Variants in NAA60 observed in about 807,000 individuals in gnomAD.
The protein encoded by NAA60 is N-alpha-acetyltransferase 60, NatF catalytic subunit.
Under a neutral mutation model 26.1 loss-of-function variants are expected in NAA60, and 8 were observed. That is an observed-to-expected ratio of 0.31 (90% confidence interval 0.18 to 0.55). The LOEUF is 0.55. NAA60 is among the 20% of genes least tolerant of loss of function. NAA60 has a pLI of 0.93. For synonymous variants in NAA60, 131 were observed against 122.5 expected, an observed-to-expected ratio of 1.07 and a Z score of -0.46; for missense variants, 290 against 311.3, an observed-to-expected ratio of 0.93 and a Z score of 0.51.
At chr16:3,448,246 C>T (rs1052558032) in intron 1 of NAA60, among the ~76,000 whole-genome samples, 2 of 135,302 alleles carry the variant, frequency 1.5e-5, no homozygotes, top group Admixed American at 8.6e-5. Context: ...TGCACTCCAG[C>T]TTGGATGACA....
At chr16:3,447,204 C>T (rs774484794) in intron 1 of NAA60, among the ~76,000 whole-genome samples, 12 of 151,998 alleles carry the variant, frequency 7.9e-5, no homozygotes, top group Non-Finnish European at 1.3e-4. Flanking sequence ...TATATTGAAA[C>T]GGAAAGATAC....
At position 3,485,447 on chromosome 16, in the gene NAA60, T is replaced by C; in HGVS notation, c.*207-20T>C. On this transcript the variant is annotated intron_variant, in intron 7 of 7. Transcript: ENST00000407558. ...TCTCCGCCGGGCCTTCACCCTGCCC[T>C]GCTCTTCTCTTTCCCACAGGCTCTT... 2 of 458,048 alleles carry C rather than the reference T, an allele frequency of 4.4e-6. No homozygotes were observed. Among genetic ancestry groups the C allele is most frequent in the Non-Finnish European group, 8.8e-6 (2 of 228,136 alleles). 28.4% of individuals were successfully genotyped at this position (458,048 alleles called of 1,614,324 possible).
intron 2 of NAA60, chr16:3,448,887 C>A (rs979911428): frequency 6.2e-5 from 14 of 226,080 alleles, no homozygotes; most frequent in African/African-American, 1.4e-4. Context: ...CGAGACTCTC[C>A]CAGTGTGCTG....
intron 2 of NAA60, among the ~76,000 whole-genome samples, chr16:3,474,648 A>G (rs1178677895): frequency 4.6e-5 from 7 of 152,220 alleles, no homozygotes; most frequent in Admixed American, 4.6e-4. Context: ...CAGATAAAAG[A>G]CGAGGTCTTT....
intron 2 of NAA60, among the ~76,000 whole-genome samples, chr16:3,465,300 ACT>A (rs1259235862): frequency 6.6e-6 from 1 of 151,052 alleles, no homozygotes; most frequent in Non-Finnish European, 1.5e-5. Context: ...AAAAAAGGAA[ACT>A]CATCCGAAGC....
At chr16:3,462,701 A>G (rs1259212020) in intron 2 of NAA60, 1 of 152,132 alleles carries the variant, frequency 6.6e-6, no homozygotes, top group Non-Finnish European at 1.5e-5. Context: ...CTCTTCTATT[A>G]AGAAAAGCGT....
intron 2 of NAA60, among the ~76,000 whole-genome samples, chr16:3,462,086 C>CAAATAAAAAA (rs2035437944): frequency 1.3e-5 from 1 of 76,802 alleles, no homozygotes; most frequent in Non-Finnish European, 2.5e-5. Context: ...GACCTTATAT[C>CAAATAAAAAA]AAAAAAAAAA....
intron 2 of NAA60, among the ~76,000 whole-genome samples, chr16:3,475,970 G>C (rs2036453640): frequency 6.6e-6 from 1 of 152,240 alleles, no homozygotes; most frequent in Non-Finnish European, 1.5e-5. Context: ...GCTTCCTTCA[G>C]CTGGGGCTGA....
intron 1 of NAA60, chr16:3,447,407 T>A: frequency 1.1e-6 from 1 of 932,026 alleles, no homozygotes; most frequent in Non-Finnish European, 1.3e-6. Context: ...GTAAATGGGG[T>A]ATCTTCCCTG....
intron 2 of NAA60, among the ~76,000 whole-genome samples, chr16:3,473,457 C>G (rs1422429268): frequency 6.6e-6 from 1 of 152,200 alleles, no homozygotes; most frequent in Non-Finnish European, 1.5e-5. Flanking sequence ...TTCACTACCA[C>G]AAGAACAGTA....
intron 2 of NAA60, among the ~76,000 whole-genome samples, chr16:3,459,967 C>A (rs955967862): frequency 6.6e-6 from 1 of 152,166 alleles, no homozygotes; most frequent in Non-Finnish European, 1.5e-5. Context: ...AAGATACTTA[C>A]ACCTAAAAGG....
At chr16:3,466,740 G>C (rs2035789781) in intron 2 of NAA60, among the ~76,000 whole-genome samples, 1 of 152,184 alleles carries the variant, frequency 6.6e-6, no homozygotes, top group Non-Finnish European at 1.5e-5. Context: ...TGCTTTGAGA[G>C]GAAGAGGGGG....
At chr16:3,472,633 C>T (rs1404069373) in intron 2 of NAA60, among the ~76,000 whole-genome samples, 1 of 152,160 alleles carries the variant, frequency 6.6e-6, no homozygotes, top group Non-Finnish European at 1.5e-5. Context: ...CAGGGTTTCA[C>T]CATCTTGGCC....
Position 3,484,988 on chromosome 16 carries a change from C to G in NAA60, c.*133C>G. 1 of 1,527,802 alleles carries G rather than the reference C, an allele frequency of 6.5e-7. No individual in the cohort carries two copies. Among genetic ancestry groups the G allele is most frequent in the Non-Finnish European group, 8.8e-7 (1 of 1,139,686 alleles). 94.6% of individuals were successfully genotyped at this position (1,527,802 alleles called of 1,614,324 possible). ...AACTGGGCTCGTCGGCCTGCCCCAGCTGCAGGCCCGGTGCTACACGGGCTC... is the reference window on the plus strand; with the variant it reads ...AACTGGGCTCGTCGGCCTGCCCCAGGTGCAGGCCCGGTGCTACACGGGCTC... On this transcript the variant is annotated 3_prime_UTR_variant, in exon 7 of 8. Transcript: ENST00000407558.
chr16:3,476,910 G>A (rs577117927), intron 3 of NAA60, among the ~76,000 whole-genome samples: 3 of 152,232 alleles, frequency 2.0e-5, no homozygotes. Flanking sequence ...GTGTGGTGGT[G>A]CGTGCCTGTA....
chr16:3,462,531 G>A (rs749607887), intron 2 of NAA60: 2 of 152,076 alleles, frequency 1.3e-5, no homozygotes, highest in Middle Eastern at 3.2e-3. Context: ...TTTCTACTTA[G>A]TTTCAGATTA....
intron 1 of NAA60, among the ~76,000 whole-genome samples, chr16:3,448,215 A>G (rs1166471042): frequency 1.3e-5 from 2 of 148,626 alleles, no homozygotes; most frequent in East Asian, 2.0e-4. Context: ...TCGAGGCTGC[A>G]GTGAGCTAGC....
chr16:3,474,185 A>T (rs2036328249), intron 2 of NAA60, among the ~76,000 whole-genome samples: 1 of 152,248 alleles, frequency 6.6e-6, no homozygotes, highest in Non-Finnish European at 1.5e-5. Context: ...ACGTTGAACC[A>T]GGAGCTGAGA....
chr16:3,470,671 T>TG (rs150498238), intron 2 of NAA60, among the ~76,000 whole-genome samples: 22 of 151,284 alleles, frequency 1.5e-4, no homozygotes, highest in Middle Eastern at 6.8e-3. Flanking sequence ...CCAGTGGGGT[T>TG]GGGGGGGGCC....
Sources: allele counts gnomAD v4.1 joint callset (sites outside exome capture counted in the v4.1 genomes callset), GRCh38; gene constraint gnomAD v4.1.1; transcripts MANE v1.5; gene names NCBI Gene and HGNC (gene_info 2026-07-23, HGNC 2026-07-21).